Variants in ITSN1 observed in about 807,000 individuals in gnomAD.
ITSN1 encodes intersectin 1.
A neutral mutation model predicts 239.8 loss-of-function variants in ITSN1; 58 were observed. The observed-to-expected ratio is 0.24, with a 90% CI of 0.20 to 0.30. The LOEUF (loss-of-function observed/expected upper bound fraction) is 0.30. ITSN1 is among the 10% of genes least tolerant of loss of function. The pLI, the probability that ITSN1 is intolerant of heterozygous loss-of-function variation, is 1.00. For synonymous variants in ITSN1, 780 were observed against 770.8 expected (o/e 1.01, Z -0.20); for missense variants, 1,558 against 2,103.3 (o/e 0.74, Z 5.07).
chr21:33,748,930 A>G (rs1246993093), intron 5 of ITSN1, among the ~76,000 whole-genome samples: 1 of 152,076 alleles, frequency 6.6e-6, no homozygotes, highest in Non-Finnish European at 1.5e-5. Flanking sequence ...TATTTACTCC[A>G]CATGAAAGAA....
At chr21:33,781,942 C>T in intron 15 of ITSN1, 52 bp from the exon 16 acceptor site, 1 of 1,493,126 alleles carries the variant, frequency 6.7e-7, no homozygotes, top group South Asian at 1.2e-5. Flanking sequence ...AAAACATTTT[C>T]CTCACTGCAA....
Position 33,897,663 on chromosome 21 carries a change from G to A in ITSN1, c.*9363G>A, listed in dbSNP as rs1986860379. On this transcript the variant is annotated 3_prime_UTR_variant, in exon 40 of 40. Coordinates refer to ENST00000381318, the MANE Select transcript of ITSN1 (RefSeq NM_003024.3). ...GTTAAATGTTGCATAAACTAACACA[G>A]ATTCTGTAGTCAAAAATATTTAACT... The A allele has an allele frequency of 2.0e-5, 3 of 152,218 alleles. No homozygotes were observed. Among genetic ancestry groups the A allele is most frequent in the Admixed American group, 2.0e-4 (3 of 15,280 alleles). 9.4% of individuals were successfully genotyped at this position (152,218 alleles called of 1,614,324 possible).
intron 1 of ITSN1, among the ~76,000 whole-genome samples, chr21:33,658,414 A>G (rs894241394): frequency 4.6e-5 from 7 of 152,232 alleles, no homozygotes; most frequent in Admixed American, 3.9e-4. Context: ...GGTTATATGT[A>G]TAGCCTATTT....
At chr21:33,679,888 C>T (rs1262111355) in intron 1 of ITSN1, among the ~76,000 whole-genome samples, 3 of 151,782 alleles carry the variant, frequency 2.0e-5, no homozygotes, top group Non-Finnish European at 2.9e-5. Context: ...TTAGTAGAGA[C>T]GAGGTTTCAC....
rs1377759060 is a variant in ITSN1 at position 33,889,269 on chromosome 21, G to A, written c.*969G>A. ...ACATTTCAACAGCTCTTTTTGGTAC[G>A]TTCCCCAAAAAGCCATGTCCTAGAT... On this transcript the variant is annotated 3_prime_UTR_variant, in exon 40 of 40. Transcript: ENST00000381318. 1 of 151,950 alleles carries A rather than the reference G, an allele frequency of 6.6e-6. No homozygotes were observed. Among genetic ancestry groups the A allele is most frequent in the Non-Finnish European group, 1.5e-5 (1 of 68,000 alleles). 9.4% of individuals were successfully genotyped at this position (151,950 alleles called of 1,614,324 possible).
At position 33,818,558 on chromosome 21, in the gene ITSN1, G is replaced by C. The variant is rs926066646; in HGVS notation, c.2933+86G>C. Reference sequence around the variant, plus strand: ...TTGCACTAGTTAAGATTCACAGACAGGAGTTGCGGGATTAGTTTGTCTTCT... The same window carrying C: ...TTGCACTAGTTAAGATTCACAGACACGAGTTGCGGGATTAGTTTGTCTTCT... On this transcript the variant is annotated intron_variant, in intron 23 of 39. Coordinates refer to ENST00000381318, the MANE Select transcript of ITSN1 (RefSeq NM_003024.3). The C allele has an allele frequency of 6.8e-6, 8 of 1,168,146 alleles. No individual in the cohort carries two copies. The African/African-American group carries it at 7.6e-5, about 11-fold the overall frequency. The allele number at this position is 1,168,146 out of a possible 1,614,324, so 72.4% of individuals were successfully genotyped here. A position where few individuals can be genotyped will look rare whatever the true frequency, so the allele number is the denominator to read the frequency against.
At chr21:33,796,659 C>T (rs1332672683) in intron 17 of ITSN1, among the ~76,000 whole-genome samples, 2 of 152,152 alleles carry the variant, frequency 1.3e-5, no homozygotes, top group African/African-American at 2.4e-5. Flanking sequence ...CCCCAGCTTC[C>T]TCATTTGTAA....
intron 4 of ITSN1, among the ~76,000 whole-genome samples, chr21:33,724,709 C>A (rs2065711620): frequency 6.6e-6 from 1 of 152,182 alleles, no homozygotes; most frequent in Non-Finnish European, 1.5e-5. Flanking sequence ...AGAATCCATT[C>A]TTTTACTGAA....
rs578108493 is a variant in ITSN1 at position 33,850,591 on chromosome 21, G to A, written c.3662-6145G>A. On this transcript the variant is annotated intron_variant, in intron 29 of 39. Transcript: ENST00000381318. ...GCAGGCTCCCAAAGGACAAGGACCC[G>A]GACTGCCTCCTTCTCACTGAACCCC... is the stretch of plus-strand genomic sequence containing the variant. 9.2e-5 allele frequency among the ~76,000 whole-genome samples: 14 copies of A among 152,286 alleles called. No homozygotes were observed. The South Asian group carries it at 1.0e-3, about 11-fold the overall frequency.
At chr21:33,822,378 T>C (rs1449055433) in intron 24 of ITSN1, among the ~76,000 whole-genome samples, 1 of 152,188 alleles carries the variant, frequency 6.6e-6, no homozygotes, top group African/African-American at 2.4e-5. Context: ...GAGAGAAACA[T>C]ACATTGTCCA....
Position 33,882,605 on chromosome 21 carries a change from T to A in ITSN1, c.4554+150T>A, listed in dbSNP as rs1316571200. 1 of 653,006 alleles carries A rather than the reference T, an allele frequency of 1.5e-6. No homozygotes were observed. Among genetic ancestry groups the A allele is most frequent in the East Asian group, 2.7e-5 (1 of 36,652 alleles). The allele number at this position is 653,006 out of a possible 1,614,324, so 40.5% of individuals were successfully genotyped here. A position where few individuals can be genotyped will look rare whatever the true frequency, so the allele number is the denominator to read the frequency against. Reference sequence around the variant, plus strand: ...GAAATGCGATTTAGGGTGTCCGGAGTGGAGGACGATCCATATCCCGCCGCA... The same window carrying A: ...GAAATGCGATTTAGGGTGTCCGGAGAGGAGGACGATCCATATCCCGCCGCA... On this transcript the variant is annotated intron_variant, in intron 35 of 39. Transcript: ENST00000381318. The surrounding 1 kb of genome is among the most constrained non-coding windows in gnomAD (Gnocchi z 4.5).
chr21:33,874,752 G>A (rs1402362235), intron 33 of ITSN1, among the ~76,000 whole-genome samples: 1 of 151,004 alleles, frequency 6.6e-6, no homozygotes, highest in African/African-American at 2.4e-5. Context: ...GGGTTCAAGC[G>A]ATTCTTCTGC....
chr21:33,701,193 G>A (rs1162633208), intron 1 of ITSN1, among the ~76,000 whole-genome samples: 5 of 152,048 alleles, frequency 3.3e-5, no homozygotes, highest in East Asian at 1.9e-4. Flanking sequence ...CTTAGGCCTG[G>A]GTTCAAGCAA....
chr21:33,748,223 G>A (rs1292398005), intron 5 of ITSN1, among the ~76,000 whole-genome samples: 1 of 151,894 alleles, frequency 6.6e-6, no homozygotes, highest in Non-Finnish European at 1.5e-5. Context: ...TCCCAGCACC[G>A]TGAGAGGCTT....
intron 31 of ITSN1, among the ~76,000 whole-genome samples, chr21:33,862,517 G>A (rs1189081735): frequency 6.6e-6 from 1 of 152,212 alleles, no homozygotes; most frequent in Non-Finnish European, 1.5e-5. Context: ...AGGGCATGGA[G>A]CAGATGGTGG....
intron 33 of ITSN1, among the ~76,000 whole-genome samples, chr21:33,872,359 G>A (rs990880580): frequency 6.6e-6 from 1 of 152,164 alleles, no homozygotes; most frequent in Non-Finnish European, 1.5e-5. Flanking sequence ...GCTCAATAAC[G>A]TGCTCAATGA....
At chr21:33,816,775 A>C (rs925451655) in intron 22 of ITSN1, among the ~76,000 whole-genome samples, 1 of 152,198 alleles carries the variant, frequency 6.6e-6, no homozygotes, top group Non-Finnish European at 1.5e-5. Context: ...CAGCAGGTCC[A>C]CTGCAAGAGG....
intron 28 of ITSN1, among the ~76,000 whole-genome samples, 177 bp from the exon 29 acceptor site, chr21:33,836,264 T>C (rs1323908036): frequency 6.6e-6 from 1 of 152,226 alleles, no homozygotes; most frequent in Non-Finnish European, 1.5e-5. Flanking sequence ...TGTCTTAGTT[T>C]TTAATTCTTC....
chr21:33,722,333 G>GATTAGCT (rs1398828629), intron 3 of ITSN1, among the ~76,000 whole-genome samples: 1 of 152,224 alleles, frequency 6.6e-6, no homozygotes, highest in African/African-American at 2.4e-5. Flanking sequence ...GTTAATAGCA[G>GATTAGCT]ATTAATTAAA....
Sources: allele counts gnomAD v4.1 joint callset (sites outside exome capture counted in the v4.1 genomes callset), GRCh38; gene constraint gnomAD v4.1.1; non-coding constraint Gnocchi (gnomAD v3.1); transcripts MANE v1.5; gene names NCBI Gene and HGNC (gene_info 2026-07-23, HGNC 2026-07-21).